The following AOAH variants were observed in gnomAD, a reference collection of about 807,000 sequenced individuals.
AOAH encodes the protein acyloxyacyl hydrolase, also known as acyloxyacyl hydrolase (neutrophil).
In AOAH, 64 loss-of-function variants were observed where a neutral mutation model predicts 92.2. The observed-to-expected ratio is 0.69, with a 90% CI of 0.57 to 0.86. AOAH has a LOEUF of 0.86. AOAH is among the 40% of genes least tolerant of loss of function. AOAH has a pLI of 0.00. For missense variants in AOAH, 656 were observed against 694.6 expected, an observed-to-expected ratio of 0.94 and a Z score of 0.62; for synonymous variants, 263 against 254.5, an observed-to-expected ratio of 1.03 and a Z score of -0.32.
intron 15 of AOAH, among the ~76,000 whole-genome samples, chr7:36,544,237 G>A (rs567211232): frequency 2.6e-5 from 4 of 152,116 alleles, no homozygotes; most frequent in South Asian, 2.1e-4. Context: ...AAGCCACTGC[G>A]CCCGGCCCCC....
At chr7:36,664,554 T>C (rs1254443646) in intron 3 of AOAH, among the ~76,000 whole-genome samples, 2 of 152,218 alleles carry the variant, frequency 1.3e-5, no homozygotes, top group Admixed American at 1.3e-4. Flanking sequence ...GTATCAGTCC[T>C]CCAGCTTTGT....
intron 11 of AOAH, among the ~76,000 whole-genome samples, chr7:36,608,336 T>G (rs1791154461): frequency 6.6e-6 from 1 of 152,204 alleles, no homozygotes; most frequent in Non-Finnish European, 1.5e-5. Context: ...GGACCTTTGA[T>G]TCTGGAGATA....
At chr7:36,674,364 A>G (rs1228813298) in intron 2 of AOAH, among the ~76,000 whole-genome samples, 1 of 152,194 alleles carries the variant, frequency 6.6e-6, no homozygotes, top group Admixed American at 6.5e-5. Context: ...TGAGACTTGC[A>G]TTAGTCAATC....
At chr7:36,670,530 A>G (rs1795849508) in intron 3 of AOAH, among the ~76,000 whole-genome samples, 2 of 152,302 alleles carry the variant, frequency 1.3e-5, no homozygotes, top group South Asian at 4.1e-4. Flanking sequence ...GCTGGAGTGC[A>G]GTGGCGTCAT....
chr7:36,573,641 C>A (rs187287291), intron 13 of AOAH, among the ~76,000 whole-genome samples: 109 of 152,204 alleles, frequency 7.2e-4, no homozygotes, highest in African/African-American at 2.6e-3. Context: ...TTGCTTGAAC[C>A]CAGGAGGTGG....
intron 11 of AOAH, among the ~76,000 whole-genome samples, chr7:36,609,416 A>G (rs2115836275): frequency 6.6e-6 from 1 of 152,200 alleles, no homozygotes; most frequent in Admixed American, 6.5e-5. Context: ...TGCCTTCAGG[A>G]TAAACTCCAG....
rs1166639577 is a variant in AOAH, at chr7:36,516,378, C to A, written c.1600-2998G>T. Among the ~76,000 whole-genome samples the A allele has an allele frequency of 7.9e-6, 1 of 126,750 alleles. No individual in the cohort carries two copies. The highest frequency in any genetic ancestry group is 8.5e-5 in the Admixed American group (1 of 11,812). 83.2% of individuals were successfully genotyped at this position (126,750 alleles called of 152,430 possible). ...CCACAGAAAGCACACAGATACCACA[C>A]ACACCCCCACAGAAAGCACACAGAT... is the stretch of plus-strand genomic sequence containing the variant. On this transcript the variant is annotated intron_variant, in intron 20 of 20. Coordinates refer to ENST00000617537, the MANE Select transcript of AOAH (RefSeq NM_001637.4). The surrounding 1 kb of genome is among the most constrained non-coding windows in gnomAD (Gnocchi z 5.0).
chr7:36,575,653 C>T (rs1449111106), intron 13 of AOAH, among the ~76,000 whole-genome samples: 1 of 152,092 alleles, frequency 6.6e-6, no homozygotes, highest in African/African-American at 2.4e-5. Context: ...CAGTTAATGG[C>T]AGCAATTATT....
At chr7:36,543,283 T>C (rs544184862) in intron 15 of AOAH, among the ~76,000 whole-genome samples, 2 of 152,338 alleles carry the variant, frequency 1.3e-5, no homozygotes, top group East Asian at 3.9e-4. Context: ...GATTCCCATA[T>C]GCACAGAAGC....
intron 4 of AOAH, among the ~76,000 whole-genome samples, chr7:36,657,916 A>G (rs1350254404): frequency 1.3e-5 from 2 of 152,210 alleles, no homozygotes; most frequent in South Asian, 2.1e-4. Context: ...TATACATGAC[A>G]TTATTATTTA....
Position 36,513,031 on chromosome 7 carries a change from G to T in AOAH, c.*221C>A, listed in dbSNP as rs774938589. ...TGGCACCCAAAGCACTTTATGAAAG[G>T]TTATTTCAGGAACAGCGGAAGGGTT... On this transcript the variant is annotated 3_prime_UTR_variant, in exon 21 of 21. Coordinates refer to ENST00000617537, the MANE Select transcript of AOAH (RefSeq NM_001637.4). The T allele has an allele frequency of 3.9e-6, 6 of 1,535,142 alleles. No homozygotes were observed. The highest frequency in any genetic ancestry group is 5.2e-6 in the Non-Finnish European group (6 of 1,145,496).
At chr7:36,638,749 A>G (rs147702411) in intron 4 of AOAH, among the ~76,000 whole-genome samples, 1 of 152,326 alleles carries the variant, frequency 6.6e-6, no homozygotes, top group East Asian at 1.9e-4. Flanking sequence ...AACAATTGGA[A>G]AGCTCTGTCT....
At chr7:36,572,942 T>G (rs928069894) in intron 13 of AOAH, among the ~76,000 whole-genome samples, 1 of 152,198 alleles carries the variant, frequency 6.6e-6, no homozygotes, top group African/African-American at 2.4e-5. Flanking sequence ...CAAGGTGGTT[T>G]GTTGTCTGGG....
At position 36,688,956 on chromosome 7, in the gene AOAH, T is replaced by A. The variant is rs578096215; in HGVS notation, c.128-2162A>T. Among the ~76,000 whole-genome samples the A allele has an allele frequency of 4.6e-5, 7 of 152,276 alleles. No individual in the cohort carries two copies. In the East Asian group the frequency reaches 1.2e-3, roughly 25 times the overall value. On this transcript the variant is annotated intron_variant, in intron 1 of 20. Transcript: ENST00000617537. ...GTATATATACATACACACACATATG[T>A]ATGTGTATATAGATATATATGAGAT...
At chr7:36,663,094 C>A (rs758902322) in intron 3 of AOAH, among the ~76,000 whole-genome samples, 1 of 152,152 alleles carries the variant, frequency 6.6e-6, no homozygotes, top group African/African-American at 2.4e-5. Context: ...CAATTCCCAC[C>A]TTTTCTCTTT....
At chr7:36,559,605 T>A (rs551959887) in intron 13 of AOAH, among the ~76,000 whole-genome samples, 31 of 152,306 alleles carry the variant, frequency 2.0e-4, no homozygotes, top group Non-Finnish European at 3.4e-4. Context: ...TATTTGGTTT[T>A]TGCTTGTTCA....
chr7:36,539,265 G>A (rs996835640), intron 16 of AOAH, among the ~76,000 whole-genome samples: 7 of 152,184 alleles, frequency 4.6e-5, no homozygotes, highest in African/African-American at 1.7e-4. Context: ...CTTTTAGTGG[G>A]TTGGGCTCAG....
At position 36,551,748 on chromosome 7, in the gene AOAH, C is replaced by T. The variant is rs193258890; in HGVS notation, c.1022-2273G>A. On this transcript the variant is annotated intron_variant, in intron 13 of 20. Coordinates refer to ENST00000617537, the MANE Select transcript of AOAH (RefSeq NM_001637.4). ...TCCACCTTTTGGTTGTTGTGAATAA[C>T]GCTGCTATGGATAGTCCCTGCTTTC... Among the ~76,000 whole-genome samples, 107 of 152,248 alleles carry T rather than the reference C, an allele frequency of 7.0e-4. 1 individual carries two copies. The highest frequency in any genetic ancestry group is 7.6e-4 in the Non-Finnish European group (52 of 68,024).
At position 36,559,859 on chromosome 7, in the gene AOAH, T is replaced by C. The variant is rs897500253; in HGVS notation, c.1022-10384A>G. 1.1e-4 allele frequency among the ~76,000 whole-genome samples: 16 copies of C among 152,354 alleles called. No individual in the cohort carries two copies. The East Asian group carries it at 3.1e-3, about 29-fold the overall frequency. ...CCTAGGTTTTCTTCTAGGATTCTTA[T>C]ACTTAAGGTCTTACATTTAATTCTT... On this transcript the variant is annotated intron_variant, in intron 13 of 20. Transcript: ENST00000617537.
Sources: gnomAD v4.1 joint callset for allele counts (sites outside exome capture counted in the v4.1 genomes callset) on GRCh38, gnomAD v4.1.1 for gene constraint, Gnocchi (gnomAD v3.1) non-coding constraint, MANE v1.5 for transcripts, NCBI Gene and HGNC (gene_info 2026-07-23, HGNC 2026-07-21) for gene names.